The following SUFU variants were observed in gnomAD, a reference collection of about 807,000 sequenced individuals.
SUFU encodes suppressor of fused homolog.
A neutral mutation model predicts 58.9 loss-of-function variants in SUFU; 7 were observed. That is an observed-to-expected ratio of 0.12 (90% CI 0.07 to 0.22). The LOEUF is 0.22. Ranked by LOEUF, SUFU falls within the 10% of genes least tolerant of loss-of-function variation. SUFU has a pLI of 1.00. For synonymous variants in SUFU, 232 were observed against 254.8 expected (o/e 0.91, Z 0.85); for missense variants, 451 against 641.3 (o/e 0.70, Z 3.20).
At chr10:102,516,125 C>CTTTT (rs60544094) in intron 2 of SUFU, among the ~76,000 whole-genome samples, 1,304 of 125,474 alleles carry the variant, frequency 0.01, 29 homozygotes, top group Non-Finnish European at 0.014. Flanking sequence ...TCTTTCTTTT[C>CTTTT]TTTTTTTTTT....
At chr10:102,579,695 T>G (rs2063252692) in intron 3 of SUFU, 1 of 302,188 alleles carries the variant, frequency 3.3e-6, no homozygotes, top group African/African-American at 2.3e-5. Flanking sequence ...CTCTCAGTCT[T>G]CTTTAATCAA....
chr10:102,551,010 T>C (rs545126667), intron 3 of SUFU, among the ~76,000 whole-genome samples: 1 of 152,298 alleles, frequency 6.6e-6, no homozygotes, highest in East Asian at 1.9e-4. Flanking sequence ...CCCAAAGTGC[T>C]GGGATTGTAG....
At chr10:102,533,557 G>C (rs1019932969) in intron 2 of SUFU, among the ~76,000 whole-genome samples, 7 of 152,108 alleles carry the variant, frequency 4.6e-5, no homozygotes, top group African/African-American at 1.4e-4. Context: ...CTGGGCAACA[G>C]AGCAAGACCC....
chr10:102,567,267 T>C (rs2063101360), intron 3 of SUFU, among the ~76,000 whole-genome samples: 1 of 151,628 alleles, frequency 6.6e-6, no homozygotes, highest in African/African-American at 2.4e-5. Context: ...TGCCTCGGCC[T>C]CCCAAAGTGC....
intron 2 of SUFU, among the ~76,000 whole-genome samples, chr10:102,513,367 T>G (rs2062424666): frequency 6.6e-6 from 1 of 152,194 alleles, no homozygotes; most frequent in Admixed American, 6.6e-5. Flanking sequence ...ACTGTCTGTG[T>G]CTTCTCTTCA....
chr10:102,612,169 TTGTGTGTGTGTGTGTGTGTGTGTG>T (rs34032732), intron 8 of SUFU, among the ~76,000 whole-genome samples: 2 of 148,230 alleles, frequency 1.3e-5, no homozygotes, highest in East Asian at 2.0e-4. Context: ...AACTGGGTTC[TTGTGTGTGTGTGTGTGTGTGTGTG>T]TGTGTGTGTG....
chr10:102,594,876 G>A (rs2063445761), intron 6 of SUFU, among the ~76,000 whole-genome samples: 1 of 152,086 alleles, frequency 6.6e-6, no homozygotes. Flanking sequence ...CCACCACCAC[G>A]CCCAGATAAT....
rs774057866 is a variant in SUFU at position 102,617,568 on chromosome 10, C to T, written c.1296+140C>T. ...TGCCTCATGGATTCAGGGCCTGGGG[C>T]CTGTGTGTAGGTATGGAGTGTGGAT... On this transcript the variant is annotated intron_variant, in intron 10 of 11. Coordinates refer to ENST00000369902, the MANE Select transcript of SUFU (RefSeq NM_016169.4). This position sits in a 1 kb window ranked among gnomAD's most constrained non-coding sequence, Gnocchi z 4.4. 8.2e-7 allele frequency: 1 copy of T among 1,219,478 alleles called. No homozygotes were observed. The highest frequency in any genetic ancestry group is 1.2e-6 in the Non-Finnish European group (1 of 841,572). The allele number at this position is 1,219,478 out of a possible 1,614,324, so 75.5% of individuals were successfully genotyped here.
chr10:102,609,039 C>T (rs1233846093), intron 8 of SUFU, among the ~76,000 whole-genome samples: 1 of 152,154 alleles, frequency 6.6e-6, no homozygotes, highest in African/African-American at 2.4e-5. Flanking sequence ...AAGAAAAGAC[C>T]ACTCAAAAGA....
chr10:102,577,962 T>C (rs919478300), intron 3 of SUFU, among the ~76,000 whole-genome samples: 2 of 148,106 alleles, frequency 1.4e-5, no homozygotes, highest in African/African-American at 4.9e-5. Flanking sequence ...ATTACAGGCG[T>C]GAGCCACCGT....
intron 8 of SUFU, among the ~76,000 whole-genome samples, chr10:102,608,015 A>G (rs1187438913): frequency 6.6e-6 from 1 of 152,118 alleles, no homozygotes; most frequent in Non-Finnish European, 1.5e-5. Context: ...ACCTGAGGTC[A>G]GGAGTTCAAG....
At chr10:102,573,854 C>T (rs932945162) in intron 3 of SUFU, among the ~76,000 whole-genome samples, 3 of 151,868 alleles carry the variant, frequency 2.0e-5, no homozygotes, top group African/African-American at 7.3e-5. Context: ...TTACTGTTTA[C>T]TGTATAGAGT....
chr10:102,527,997 A>G (rs2062631368), intron 2 of SUFU, among the ~76,000 whole-genome samples: 1 of 152,150 alleles, frequency 6.6e-6, no homozygotes, highest in African/African-American at 2.4e-5. Flanking sequence ...TATTTTTAAG[A>G]AGACCTTTGT....
chr10:102,567,233 G>C (rs1362094465), intron 3 of SUFU, among the ~76,000 whole-genome samples: 3 of 151,328 alleles, frequency 2.0e-5, no homozygotes, highest in East Asian at 4.0e-4. Context: ...GGAGGGTCTC[G>C]ATCTCCTGAC....
At chr10:102,533,855 A>C (rs1162485684) in intron 2 of SUFU, among the ~76,000 whole-genome samples, 1 of 152,222 alleles carries the variant, frequency 6.6e-6, no homozygotes, top group Admixed American at 6.5e-5. Context: ...TTAAGGTAGC[A>C]TATCACAAGT....
intron 3 of SUFU, among the ~76,000 whole-genome samples, chr10:102,551,561 G>A (rs186488360): frequency 5.3e-5 from 8 of 151,404 alleles, no homozygotes; most frequent in East Asian, 2.0e-4. Flanking sequence ...TCGCTTGAAC[G>A]CGGGAGGCAG....
intron 3 of SUFU, among the ~76,000 whole-genome samples, chr10:102,581,230 C>T (rs2063276503): frequency 7.1e-6 from 1 of 140,144 alleles, no homozygotes. Context: ...AGAAATTAGG[C>T]ATGGGTTTTA....
chr10:102,592,802 G>C (rs2063418058), intron 4 of SUFU, 78 bp downstream of exon 4: 1 of 1,528,232 alleles, frequency 6.5e-7, no homozygotes, highest in Non-Finnish European at 9.0e-7. Context: ...TGAGGAGGGG[G>C]AGTGAAGGGA....
At chr10:102,505,811 AGT>A (rs2062318115) in intron 1 of SUFU, among the ~76,000 whole-genome samples, 1 of 152,130 alleles carries the variant, frequency 6.6e-6, no homozygotes, top group Non-Finnish European at 1.5e-5. Context: ...AGCGCTTCTG[AGT>A]GGAAAGCAGC....
Sources: gnomAD v4.1 joint callset for allele counts (sites outside exome capture counted in the v4.1 genomes callset) on GRCh38, gnomAD v4.1.1 for gene constraint, Gnocchi (gnomAD v3.1) non-coding constraint, MANE v1.5 for transcripts, NCBI Gene and HGNC (gene_info 2026-07-23, HGNC 2026-07-21) for gene names.